Variants in CDYL2 observed in about 807,000 individuals in gnomAD.
CDYL2 encodes chromodomain Y-like protein 2.
In CDYL2, 23 loss-of-function variants were observed where a neutral mutation model predicts 49.4. That is an observed-to-expected ratio of 0.47 (90% CI 0.34 to 0.66). CDYL2 has a LOEUF of 0.66. Ranked by LOEUF, CDYL2 falls within the 30% of genes least tolerant of loss-of-function variation. The probability of loss-of-function intolerance (pLI) is 0.01; values close to 1 mark genes in which losing one functional copy is unlikely to be tolerated. For synonymous variants in CDYL2, 360 were observed against 268.8 expected (o/e 1.34, Z -3.32); for missense variants, 678 against 656.4 (o/e 1.03, Z -0.36).
At chr16:80,784,288 T>C (rs1213031186) in intron 1 of CDYL2, among the ~76,000 whole-genome samples, 2 of 152,194 alleles carry the variant, frequency 1.3e-5, no homozygotes, top group Non-Finnish European at 2.9e-5. Flanking sequence ...TAGACATGTT[T>C]AAAGTTATGA....
intron 1 of CDYL2, among the ~76,000 whole-genome samples, chr16:80,709,649 C>T (rs1005339746): frequency 4.6e-5 from 7 of 151,990 alleles, no homozygotes; most frequent in African/African-American, 1.4e-4. Context: ...TGTTCTGGAC[C>T]ACACTTGTGC....
In CDYL2 at chr16:80,612,891, C is replaced by T; in HGVS notation, c.1008-55G>A. ...GGTGACTATAGCATGCTAAGCCCCA[C>T]TGGAACCCTTGACTCTCCCAGGTGC... On this transcript the variant is annotated intron_variant, in intron 4 of 6. Transcript: ENST00000570137. The surrounding 1 kb of genome is among the most constrained non-coding windows in gnomAD (Gnocchi z 5.0). The T allele has an allele frequency of 6.7e-7, 1 of 1,487,962 alleles. No homozygotes were observed. Among genetic ancestry groups the T allele is most frequent in the Non-Finnish European group, 9.1e-7 (1 of 1,103,902 alleles). The allele number at this position is 1,487,962 out of a possible 1,614,324, so 92.2% of individuals were successfully genotyped here. A position where few individuals can be genotyped will look rare whatever the true frequency, so the allele number is the denominator to read the frequency against.
At chr16:80,618,581 G>T (rs1005941349) in intron 4 of CDYL2, among the ~76,000 whole-genome samples, 1 of 152,120 alleles carries the variant, frequency 6.6e-6, no homozygotes, top group Non-Finnish European at 1.5e-5. Flanking sequence ...TGACCCCCTG[G>T]GTACCCTGTT....
chr16:80,750,490 G>A (rs946222694), intron 1 of CDYL2, among the ~76,000 whole-genome samples: 3 of 149,598 alleles, frequency 2.0e-5, no homozygotes, highest in Non-Finnish European at 3.0e-5. Flanking sequence ...CTGTGAAAAA[G>A]AGGCTATAAA....
rs531082422 is a variant in CDYL2, at chr16:80,795,499, G to A, written c.24+8651C>T. On this transcript the variant is annotated intron_variant, in intron 1 of 6. Transcript: ENST00000570137. ...CACTGGAGTGGTGTGACCTTTGGAGGTAGCAGCTTCTACTCGCTGGCTAAG... is the reference window on the plus strand; with the variant it reads ...CACTGGAGTGGTGTGACCTTTGGAGATAGCAGCTTCTACTCGCTGGCTAAG... 2.6e-5 allele frequency among the ~76,000 whole-genome samples: 4 copies of A among 152,306 alleles called. No homozygotes were observed. The East Asian group carries it at 5.8e-4, about 22-fold the overall frequency.
intron 5 of CDYL2, among the ~76,000 whole-genome samples, chr16:80,610,944 C>T (rs750058409): frequency 6.6e-6 from 1 of 152,136 alleles, no homozygotes; most frequent in African/African-American, 2.4e-5. Context: ...ATGCCAGGCT[C>T]GCAGGGGCCA....
intron 1 of CDYL2, among the ~76,000 whole-genome samples, chr16:80,771,887 G>T (rs1185098301): frequency 2.0e-5 from 3 of 152,100 alleles, no homozygotes; most frequent in South Asian, 2.1e-4. Context: ...AAATAAGAAG[G>T]AAAGAGAAAA....
At position 80,662,194 on chromosome 16, in the gene CDYL2, G is replaced by A. The variant is rs966196420; in HGVS notation, c.616+22344C>T. On this transcript the variant is annotated intron_variant, in intron 2 of 6. Coordinates refer to ENST00000570137, the MANE Select transcript of CDYL2 (RefSeq NM_152342.4). ...AACTCGTATTTATATCACATCTGGC[G>A]CTCTGAGTGAGATCCCACCTCTCAA... 7.9e-4 allele frequency among the ~76,000 whole-genome samples: 121 copies of A among 152,240 alleles called. 1 individual carries two copies. Among genetic ancestry groups the A allele is most frequent in the African/African-American group, 2.5e-3 (105 of 41,528 alleles).
chr16:80,709,380 T>TC (rs1176270011), intron 1 of CDYL2, among the ~76,000 whole-genome samples: 1 of 105,010 alleles, frequency 9.5e-6, no homozygotes, highest in Non-Finnish European at 1.7e-5. Flanking sequence ...AGACTCCATT[T>TC]CAAAAAAAAA....
At chr16:80,618,997 C>T (rs1342505645) in intron 4 of CDYL2, among the ~76,000 whole-genome samples, 1 of 152,196 alleles carries the variant, frequency 6.6e-6, no homozygotes, top group Non-Finnish European at 1.5e-5. Context: ...GAACTCCAAA[C>T]TCAAGGTGTT....
rs192663426 is a variant in CDYL2 at position 80,750,682 on chromosome 16, A to T, written c.24+53468T>A. Among the ~76,000 whole-genome samples, 18 of 152,320 alleles carry T rather than the reference A, an allele frequency of 1.2e-4. No homozygotes were observed. The East Asian group carries it at 2.7e-3, about 23-fold the overall frequency. On this transcript the variant is annotated intron_variant, in intron 1 of 6. Coordinates refer to ENST00000570137, the MANE Select transcript of CDYL2 (RefSeq NM_152342.4). ...AATTAGAAAAAGTTGCCAAAGAACA[A>T]CTATGAAGGGAGAGAGAGTACTATG...
At chr16:80,700,883 T>C (rs115219274) in intron 1 of CDYL2, among the ~76,000 whole-genome samples, 2,837 of 152,382 alleles carry the variant, frequency 0.019, 99 homozygotes, top group African/African-American at 0.064. Flanking sequence ...AATTTCCTAT[T>C]TGTTGTCTTC....
intron 2 of CDYL2, among the ~76,000 whole-genome samples, chr16:80,680,676 T>C (rs996551835): frequency 2.1e-4 from 32 of 152,178 alleles, no homozygotes; most frequent in African/African-American, 7.7e-4. Context: ...TTTTAAAACT[T>C]TGAAGGACCA....
chr16:80,709,886 G>A (rs1029274228), intron 1 of CDYL2, among the ~76,000 whole-genome samples: 2 of 150,570 alleles, frequency 1.3e-5, no homozygotes, highest in South Asian at 2.1e-4. Flanking sequence ...TACTTTTTCC[G>A]TAAGCCCTAT....
rs1464442092 is a variant in CDYL2 at position 80,745,874 on chromosome 16, G to T, written c.24+58276C>A. On this transcript the variant is annotated intron_variant, in intron 1 of 6. Transcript: ENST00000570137. ...CTCTTGACCCAGAAGACAGGGAAGGGCAGGGGGTACCAGTGACACCACTGG... is the reference window on the plus strand; with the variant it reads ...CTCTTGACCCAGAAGACAGGGAAGGTCAGGGGGTACCAGTGACACCACTGG... Among the ~76,000 whole-genome samples, 3 of 152,134 alleles carry T rather than the reference G, an allele frequency of 2.0e-5. No homozygotes were observed. The East Asian group carries it at 5.8e-4, about 29-fold the overall frequency.
rs553171164 is a variant in CDYL2, at chr16:80,605,610, G to C, written c.1363-1064C>G. On this transcript the variant is annotated intron_variant, in intron 6 of 6. Transcript: ENST00000570137. The stretch of plus-strand genomic sequence containing the variant: ...TCATAGTAACAGTAATCATATTAAT[G>C]AACAATAATCATAGTAATAGTCTTA... Among the ~76,000 whole-genome samples, 4 of 150,794 alleles carry C rather than the reference G, an allele frequency of 2.7e-5. No homozygotes were observed. In the East Asian group the frequency reaches 5.8e-4, roughly 22 times the overall value.
intron 1 of CDYL2, among the ~76,000 whole-genome samples, chr16:80,686,888 C>T (rs563687425): frequency 2.6e-5 from 4 of 152,140 alleles, no homozygotes; most frequent in Non-Finnish European, 5.9e-5. Context: ...CCTTATTAAA[C>T]GTCCTGGGAA....
intron 1 of CDYL2, among the ~76,000 whole-genome samples, chr16:80,785,574 G>A (rs886521555): frequency 6.6e-6 from 1 of 152,066 alleles, no homozygotes; most frequent in African/African-American, 2.4e-5. Context: ...TCCCCATCAA[G>A]CTACCACTGA....
chr16:80,617,763 T>A (rs873994), intron 4 of CDYL2, among the ~76,000 whole-genome samples: 1 of 152,044 alleles, frequency 6.6e-6, no homozygotes, highest in Admixed American at 6.5e-5. Flanking sequence ...TCTTTCCTCA[T>A]ACTCATCCCC....
Sources: allele counts gnomAD v4.1 joint callset (sites outside exome capture counted in the v4.1 genomes callset), GRCh38; gene constraint gnomAD v4.1.1; non-coding constraint Gnocchi (gnomAD v3.1); transcripts MANE v1.5; gene names NCBI Gene and HGNC (gene_info 2026-07-23, HGNC 2026-07-21).